PIK3C3: variants seen among roughly 807,000 people sequenced by gnomAD.
The protein encoded by PIK3C3 is phosphatidylinositol 3-kinase catalytic subunit type 3.
A neutral mutation model predicts 126.1 loss-of-function variants in PIK3C3; 95 were observed. The ratio of observed to expected loss-of-function variants is 0.75; its 90% CI spans 0.64 to 0.89. The LOEUF (loss-of-function observed/expected upper bound fraction) is 0.89, where lower values mean the gene tolerates loss of function less well. Among genes scored for constraint, PIK3C3 ranks in the 40% least tolerant of loss-of-function variants. The pLI is 0.00. For synonymous variants in PIK3C3, 374 were observed against 360.0 expected, an observed-to-expected ratio of 1.04 and a Z score of -0.44; for missense variants, 829 against 1,063.2, an observed-to-expected ratio of 0.78 and a Z score of 3.06.
chr18:42,076,139 TATATGC>T (rs1156768710), intron 24 of PIK3C3, among the ~76,000 whole-genome samples: 14 of 72,564 alleles, frequency 1.9e-4, no homozygotes, highest in African/African-American at 5.2e-4. Context: ...TATATATATA[TATATGC>T]GCATATATAT....
At position 42,086,855 on chromosome 18, in the gene PIK3C3, G is replaced by A. The variant is rs1245730683; in HGVS notation, c.*5718G>A. The stretch of plus-strand genomic sequence containing the variant: ...CTCATGCTGCTGGTCTGCCTATGGA[G>A]TAGCCATCCTTTCTTTATTAACCTG... On this transcript the variant is annotated 3_prime_UTR_variant, in exon 25 of 25. Transcript: ENST00000262039. 1 of 152,154 alleles carries A rather than the reference G, an allele frequency of 6.6e-6. No homozygotes were observed. Among genetic ancestry groups the A allele is most frequent in the Admixed American group, 6.5e-5 (1 of 15,290 alleles). The allele number at this position is 152,154 out of a possible 1,614,324, so 9.4% of individuals were successfully genotyped here.
At chr18:42,053,080 G>C (rs1174577537) in intron 21 of PIK3C3, 1 of 152,130 alleles carries the variant, frequency 6.6e-6, no homozygotes, top group African/African-American at 2.4e-5. Flanking sequence ...ATGGGGGATG[G>C]AGCAGAAGAA....
chr18:42,072,424 C>T (rs149600331), intron 24 of PIK3C3, among the ~76,000 whole-genome samples: 6 of 152,218 alleles, frequency 3.9e-5, no homozygotes, highest in African/African-American at 1.4e-4. Flanking sequence ...TTAAACACTG[C>T]AATATTTGTT....
chr18:41,962,035 A>G (rs962679113), intron 2 of PIK3C3, among the ~76,000 whole-genome samples: 1 of 152,148 alleles, frequency 6.6e-6, no homozygotes, highest in African/African-American at 2.4e-5. Context: ...TAGATTTTCT[A>G]CTTTGAGTTT....
chr18:42,021,870 CAAAA>C (rs915664143), intron 13 of PIK3C3, among the ~76,000 whole-genome samples: 3 of 151,486 alleles, frequency 2.0e-5, no homozygotes, highest in Non-Finnish European at 4.4e-5. Flanking sequence ...ATTCAAAAAT[CAAAA>C]AAAACTAGAA....
intron 4 of PIK3C3, chr18:41,970,708 T>C: frequency 1.7e-6 from 1 of 591,628 alleles, no homozygotes; most frequent in Admixed American, 3.0e-5. Context: ...TCATCACCCC[T>C]AAAAGAAACC....
intron 24 of PIK3C3, among the ~76,000 whole-genome samples, chr18:42,071,931 T>A (rs867457552): frequency 3.9e-5 from 6 of 152,166 alleles, no homozygotes; most frequent in Admixed American, 2.6e-4. Flanking sequence ...TACTGGAACT[T>A]GTTTAGGCAC....
At chr18:41,971,055 T>C (rs1980641616) in intron 4 of PIK3C3, 1 of 153,102 alleles carries the variant, frequency 6.5e-6, no homozygotes, top group Non-Finnish European at 1.5e-5. Flanking sequence ...CCTTTTTCTT[T>C]CAAAATTGTT....
chr18:42,000,100 C>T (rs1434556609), intron 9 of PIK3C3, among the ~76,000 whole-genome samples: 1 of 152,140 alleles, frequency 6.6e-6, no homozygotes, highest in Non-Finnish European at 1.5e-5. Context: ...GTTGCCCAGG[C>T]TGGACTGCAA....
rs185501752 is a variant in PIK3C3 at position 42,051,544 on chromosome 18, G to A, written c.2263+1939G>A. ...TATTCAGTTTTTAATTATTACATAT[G>A]AAAAATCATCTGTTAGAACTTGCAT... On this transcript the variant is annotated intron_variant, in intron 21 of 24. Coordinates refer to ENST00000262039, the MANE Select transcript of PIK3C3 (RefSeq NM_002647.4). Among the ~76,000 whole-genome samples, 5 of 152,078 alleles carry A rather than the reference G, an allele frequency of 3.3e-5. No homozygotes were observed. In the East Asian group the frequency reaches 7.7e-4, roughly 23 times the overall value.
intron 13 of PIK3C3, chr18:42,025,284 A>ATT (rs1443113030): frequency 1.3e-5 from 2 of 152,278 alleles, no homozygotes; most frequent in African/African-American, 4.8e-5. Context: ...GACGGAGATA[A>ATT]TCAAGGACTT....
chr18:42,076,131 T>TATATATATATGCAC (rs1395375969), intron 24 of PIK3C3, among the ~76,000 whole-genome samples: 1,062 of 83,384 alleles, frequency 0.013, 67 homozygotes, highest in African/African-American at 0.062. Flanking sequence ...TGCGCATATA[T>TATATATATATGCAC]ATATATATAT....
intron 4 of PIK3C3, among the ~76,000 whole-genome samples, chr18:41,979,263 G>A (rs144528597): frequency 2.3e-4 from 35 of 152,158 alleles, no homozygotes; most frequent in Non-Finnish European, 5.0e-4. Context: ...TCTCTTTCTG[G>A]AAGTCTAAAA....
At chr18:42,040,578 A>T in intron 18 of PIK3C3, 99 bp from the exon 19 acceptor site, 1 of 773,414 alleles carries the variant, frequency 1.3e-6, no homozygotes, top group Non-Finnish European at 2.2e-6. Context: ...CAGATATGGA[A>T]TGCATTTATT....
At chr18:42,065,200 T>G (rs2144517506) in intron 23 of PIK3C3, among the ~76,000 whole-genome samples, 1 of 152,290 alleles carries the variant, frequency 6.6e-6, no homozygotes, top group African/African-American at 2.4e-5. Flanking sequence ...CTATTATCTC[T>G]CTTTTTTTTA....
At chr18:41,955,726 G>T (rs557681961) in intron 1 of PIK3C3, among the ~76,000 whole-genome samples, 1 of 152,318 alleles carries the variant, frequency 6.6e-6, no homozygotes, top group South Asian at 2.1e-4. Context: ...TTGGAACGGG[G>T]CTTGTAGGGT....
chr18:42,045,490 G>A (rs760489283), intron 20 of PIK3C3, among the ~76,000 whole-genome samples: 2 of 152,168 alleles, frequency 1.3e-5, no homozygotes, highest in African/African-American at 2.4e-5. Context: ...TACTGTCTTA[G>A]CTAGGCTTAT....
chr18:42,046,588 C>T (rs1459928763), intron 20 of PIK3C3, among the ~76,000 whole-genome samples: 2 of 152,056 alleles, frequency 1.3e-5, no homozygotes, highest in Non-Finnish European at 2.9e-5. Context: ...ACAAGATTTT[C>T]TTGGACAGAA....
intron 4 of PIK3C3, among the ~76,000 whole-genome samples, chr18:41,981,134 T>C (rs1433561561): frequency 6.6e-6 from 1 of 152,190 alleles, no homozygotes; most frequent in Non-Finnish European, 1.5e-5. Flanking sequence ...AATTGTGTTA[T>C]AACAAGCGTT....
Sources: allele counts gnomAD v4.1 joint callset (sites outside exome capture counted in the v4.1 genomes callset), GRCh38; gene constraint gnomAD v4.1.1; transcripts MANE v1.5; gene names NCBI Gene and HGNC (gene_info 2026-07-23, HGNC 2026-07-21).